CNTNAP2: variants seen among roughly 807,000 people sequenced by gnomAD.
CNTNAP2 encodes the protein contactin associated protein 2.
Under a neutral mutation model 155.2 loss-of-function variants are expected in CNTNAP2, and 98 were observed. The ratio of observed to expected loss-of-function variants is 0.63; its 90% CI spans 0.54 to 0.75. The LOEUF (loss-of-function observed/expected upper bound fraction) is 0.75, where lower values mean the gene tolerates loss of function less well. CNTNAP2 is among the 30% of genes least tolerant of loss of function. The pLI, the probability that CNTNAP2 is intolerant of heterozygous loss-of-function variation, is 0.00. For synonymous variants in CNTNAP2, 651 were observed against 631.2 expected, an observed-to-expected ratio of 1.03 and a Z score of -0.47; for missense variants, 1,727 against 1,688.1, an observed-to-expected ratio of 1.02 and a Z score of -0.40.
At chr7:146,947,553 GTGTGTATATATATATATATATACATA>G (rs755726532) in intron 3 of CNTNAP2, among the ~76,000 whole-genome samples, 2,878 of 104,778 alleles carry the variant, frequency 0.027, 52 homozygotes, top group African/African-American at 0.052. Context: ...ATGTGTGTGT[GTGTGTATATATATATATATATACATA>G]TATATATATA....
chr7:146,529,699 G>T lies in CNTNAP2; in HGVS notation c.98-244572G>T, dbSNP rs1226884300. On this transcript the variant is annotated intron_variant, in intron 1 of 23. Transcript: ENST00000361727. ...TTAAAATGTAGGGCCGGGTGCGGTGGCTCATGTCTGTAATCCCAGCACTTT... is the reference window on the plus strand; with the variant it reads ...TTAAAATGTAGGGCCGGGTGCGGTGTCTCATGTCTGTAATCCCAGCACTTT... 3.3e-5 allele frequency among the ~76,000 whole-genome samples: 5 copies of T among 152,056 alleles called. No individual in the cohort carries two copies. In the East Asian group the frequency reaches 7.7e-4, roughly 23 times the overall value.
intron 13 of CNTNAP2, among the ~76,000 whole-genome samples, chr7:147,888,579 A>G (rs145748809): frequency 1.3e-3 from 202 of 152,158 alleles, no homozygotes; most frequent in Non-Finnish European, 2.0e-3. Flanking sequence ...AAACATGCAA[A>G]TTAAGATTCA....
chr7:148,121,387 G>C (rs1804591955), intron 16 of CNTNAP2, among the ~76,000 whole-genome samples: 1 of 152,112 alleles, frequency 6.6e-6, no homozygotes, highest in Non-Finnish European at 1.5e-5. Flanking sequence ...TGAGACATTG[G>C]GTAGAGAATT....
chr7:147,639,249 T>A lies in CNTNAP2; in HGVS notation c.2041T>A (p.Tyr681Asn), dbSNP rs769520589. Reference sequence around the variant, plus strand: ...AAGTGCCATCACTGACAGTGCCGAGTACTGCGAGCAGTATGTCTCCTATTT... The same window carrying A: ...AAGTGCCATCACTGACAGTGCCGAGAACTGCGAGCAGTATGTCTCCTATTT... Reference protein sequence around the residue: ...QISAITDSAEYCEQYVSYFCK... With the variant: ...QISAITDSAENCEQYVSYFCK... The change falls in exon 13 of 24, where the codon TAC (tyrosine) becomes AAC (asparagine). Residue 681 changes from tyrosine to asparagine, a missense_variant. Tyr to Asn is a moderately radical substitution (Grantham distance 143). Transcript: ENST00000361727. 1 of 1,614,000 alleles carries A rather than the reference T, an allele frequency of 6.2e-7. No homozygotes were observed. Among genetic ancestry groups the A allele is most frequent in the Non-Finnish European group, 8.5e-7 (1 of 1,180,014 alleles).
chr7:146,605,758 T>C (rs1347781051), intron 1 of CNTNAP2, among the ~76,000 whole-genome samples: 2 of 152,170 alleles, frequency 1.3e-5, no homozygotes, highest in Non-Finnish European at 2.9e-5. Context: ...GTTGAATAAC[T>C]GGCATAGTGA....
At chr7:146,363,967 C>G (rs1795120746) in intron 1 of CNTNAP2, among the ~76,000 whole-genome samples, 1 of 151,908 alleles carries the variant, frequency 6.6e-6, no homozygotes, top group Non-Finnish European at 1.5e-5. Flanking sequence ...AAGGTTCAGC[C>G]TTTGATGGAA....
rs558660936 is a variant in CNTNAP2 at position 147,029,136 on chromosome 7, T to C, written c.403-14771T>C. Among the ~76,000 whole-genome samples, 11 of 151,946 alleles carry C rather than the reference T, an allele frequency of 7.2e-5. No individual in the cohort carries two copies. In the South Asian group the frequency reaches 2.3e-3, roughly 32 times the overall value. ...CCGCCACCACGCCCAGCTAATTTTTTGTATTTTTAGTAGAGACGGGATTTC... is the reference window on the plus strand; with the variant it reads ...CCGCCACCACGCCCAGCTAATTTTTCGTATTTTTAGTAGAGACGGGATTTC... On this transcript the variant is annotated intron_variant, in intron 3 of 23. Transcript: ENST00000361727.
At chr7:148,092,129 A>G (rs748730138) in intron 15 of CNTNAP2, among the ~76,000 whole-genome samples, 3 of 152,238 alleles carry the variant, frequency 2.0e-5, no homozygotes, top group Non-Finnish European at 2.9e-5. Flanking sequence ...GAAAGCTTGC[A>G]TAAGTCTCTG....
intron 15 of CNTNAP2, among the ~76,000 whole-genome samples, chr7:148,105,880 C>G (rs991125888): frequency 2.8e-4 from 42 of 152,202 alleles, no homozygotes; most frequent in African/African-American, 9.4e-4. Flanking sequence ...TGCCACCATG[C>G]CCGGCCTTGT....
intron 10 of CNTNAP2, among the ~76,000 whole-genome samples, chr7:147,405,522 A>AT (rs1438571302): frequency 6.6e-6 from 1 of 152,130 alleles, no homozygotes; most frequent in East Asian, 1.9e-4. Flanking sequence ...ACTATCCTTC[A>AT]TTTGCTATAT....
chr7:146,202,263 G>A (rs931542148), intron 1 of CNTNAP2, among the ~76,000 whole-genome samples: 2 of 151,854 alleles, frequency 1.3e-5, no homozygotes, highest in African/African-American at 4.8e-5. Flanking sequence ...GTTTTTTACT[G>A]GTCTCTATTC....
intron 1 of CNTNAP2, among the ~76,000 whole-genome samples, chr7:146,661,352 G>A (rs1401631949): frequency 2.0e-5 from 3 of 151,690 alleles, no homozygotes; most frequent in African/African-American, 4.8e-5. Flanking sequence ...TCATGTGTAC[G>A]GTTCTACGAA....
At chr7:146,366,348 T>A (rs1289762895) in intron 1 of CNTNAP2, among the ~76,000 whole-genome samples, 3 of 152,156 alleles carry the variant, frequency 2.0e-5, no homozygotes, top group African/African-American at 7.2e-5. Flanking sequence ...TAATAACATT[T>A]TTCTAATCAA....
chr7:146,286,502 A>C (rs1003100105), intron 1 of CNTNAP2, among the ~76,000 whole-genome samples: 1 of 152,094 alleles, frequency 6.6e-6, no homozygotes, highest in African/African-American at 2.4e-5. Flanking sequence ...CAATTTACCA[A>C]ATCATTAAGA....
chr7:146,472,945 C>T (rs148461426), intron 1 of CNTNAP2, among the ~76,000 whole-genome samples: 185 of 148,936 alleles, frequency 1.2e-3, no homozygotes, highest in Non-Finnish European at 2.0e-3. Context: ...ATACTAGATA[C>T]GTGAAGCCAA....
chr7:147,004,212 C>CAAAAAAAAAAAAAAA (rs71525979), intron 3 of CNTNAP2, among the ~76,000 whole-genome samples: 3 of 97,718 alleles, frequency 3.1e-5, no homozygotes, highest in African/African-American at 1.1e-4. Flanking sequence ...ACTCATATAC[C>CAAAAAAAAAAAAAAA]AAAAAAAAAA....
chr7:147,231,775 G>A (rs1463346770), intron 8 of CNTNAP2, among the ~76,000 whole-genome samples: 2 of 152,190 alleles, frequency 1.3e-5, no homozygotes, highest in East Asian at 3.9e-4. Flanking sequence ...TTTGAATCAG[G>A]TTATTTTTAA....
At chr7:147,382,436 A>T (rs1796551958) in intron 9 of CNTNAP2, among the ~76,000 whole-genome samples, 1 of 152,128 alleles carries the variant, frequency 6.6e-6, no homozygotes, top group East Asian at 1.9e-4. Flanking sequence ...GCCAGGATCA[A>T]CTCTTGATTG....
intron 15 of CNTNAP2, among the ~76,000 whole-genome samples, chr7:148,019,115 A>G (rs934195868): frequency 6.6e-6 from 1 of 152,210 alleles, no homozygotes; most frequent in African/African-American, 2.4e-5. Flanking sequence ...ATTTACACCT[A>G]GCAATGCATC....
Sources: gnomAD v4.1 joint callset for allele counts (sites outside exome capture counted in the v4.1 genomes callset) on GRCh38, gnomAD v4.1.1 for gene constraint, MANE v1.5 for transcripts, NCBI Gene and HGNC (gene_info 2026-07-23, HGNC 2026-07-21) for gene names.